The following SNURF variants were observed in gnomAD, a reference collection of about 807,000 sequenced individuals.
The protein encoded by SNURF is SNRPN upstream open reading frame, also known as SNURF protein.
A neutral mutation model predicts 11.6 loss-of-function variants in SNURF; 6 were observed. The ratio of observed to expected loss-of-function variants is 0.52; its 90% CI spans 0.28 to 1.02. The LOEUF (loss-of-function observed/expected upper bound fraction) is 1.02. Ranked by LOEUF, SNURF falls within the 50% of genes least tolerant of loss-of-function variation. The probability of loss-of-function intolerance (pLI) is 0.09; values close to 1 mark genes in which losing one functional copy is unlikely to be tolerated. For missense variants in SNURF, 84 were observed against 88.4 expected (o/e 0.95, Z 0.20); for synonymous variants, 29 against 31.6 (o/e 0.92, Z 0.27).
exon 2 of SNURF, chr15:24,962,179 G>T: frequency 6.2e-7 from 1 of 1,614,118 alleles, no homozygotes; most frequent in Non-Finnish European, 8.5e-7. Context: ...CAAGTCAAAC[G>T]CAGAAGGACT....
intron 1 of SNURF, among the ~76,000 whole-genome samples, chr15:24,960,568 G>A (rs751487199): frequency 6.6e-6 from 1 of 152,048 alleles, no homozygotes; most frequent in Non-Finnish European, 1.5e-5. Flanking sequence ...GTGATCGCTG[G>A]CCTCAGCCTT....
chr15:24,970,035 C>A (rs533190707), downstream of SNURF, among the ~76,000 whole-genome samples: 1 of 152,160 alleles, frequency 6.6e-6, no homozygotes, highest in South Asian at 2.1e-4. Flanking sequence ...GAAGAAAACA[C>A]CAAAGTGGGG....
intron 3 of SNURF, among the ~76,000 whole-genome samples, chr15:24,973,914 G>C (rs969745626): frequency 6.6e-6 from 1 of 152,004 alleles, no homozygotes; most frequent in Non-Finnish European, 1.5e-5. Context: ...TGACAACATA[G>C]GTATTTCAGA....
chr15:24,975,261 C>G, intron 3 of SNURF: 1 of 938,544 alleles, frequency 1.1e-6, no homozygotes, highest in Non-Finnish European at 1.6e-6. Context: ...TTAAGGAAAC[C>G]AGGCTTAGAT....
exon 3 of SNURF, chr15:24,968,199 A>G: frequency 4.5e-6 from 3 of 664,070 alleles, no homozygotes; most frequent in Non-Finnish European, 7.9e-6. Flanking sequence ...CATACAATAA[A>G]CACATTGCAG....
downstream of SNURF, chr15:24,978,269 A>G (rs2077294937): frequency 2.5e-6 from 4 of 1,614,090 alleles, no homozygotes; most frequent in Non-Finnish European, 3.4e-6. Context: ...GAGGGACGCC[A>G]ATAGGCATGC....
At chr15:24,975,311 C>G (rs1298416259) in intron 3 of SNURF, 1 of 1,532,810 alleles carries the variant, frequency 6.5e-7, no homozygotes, top group African/African-American at 1.4e-5. Flanking sequence ...GATTAGAAGA[C>G]TAGGGTGTTG....
intron 2 of SNURF, among the ~76,000 whole-genome samples, chr15:24,965,789 ATCT>A (rs1487857125): frequency 1.3e-5 from 2 of 152,144 alleles, no homozygotes; most frequent in Non-Finnish European, 2.9e-5. Context: ...TCAGTCTTTA[ATCT>A]TCTATTGGGT....
chr15:24,959,801 C>T (rs2074475441), intron 1 of SNURF, among the ~76,000 whole-genome samples: 1 of 152,172 alleles, frequency 6.6e-6, no homozygotes, highest in Non-Finnish European at 1.5e-5. Flanking sequence ...GTTGTTTCCA[C>T]TCTTTGGCTA....
intron 3 of SNURF, chr15:24,974,992 A>G (rs1169621523): frequency 2.8e-6 from 2 of 702,948 alleles, no homozygotes; most frequent in Admixed American, 2.0e-5. Flanking sequence ...GGGCTTTGAA[A>G]ATGGAAGGGT....
At chr15:24,961,586 T>C (rs1404598072) in intron 1 of SNURF, among the ~76,000 whole-genome samples, 1 of 152,234 alleles carries the variant, frequency 6.6e-6, no homozygotes, top group Non-Finnish European at 1.5e-5. Context: ...GTGGATAGTT[T>C]TTAGCTTGAG....
At chr15:24,971,524 T>G, downstream of SNURF, among the ~76,000 whole-genome samples, 1 of 151,598 alleles carries the variant, frequency 6.6e-6, no homozygotes, top group Admixed American at 6.6e-5. Context: ...CTATACAGGT[T>G]ATTATTATAT....
chr15:24,956,385 C>T (rs1404675424), intron 1 of SNURF, among the ~76,000 whole-genome samples: 3 of 148,996 alleles, frequency 2.0e-5, no homozygotes, highest in African/African-American at 5.0e-5. Flanking sequence ...CCTGTAGAGC[C>T]GCCAGTGGGG....
downstream of SNURF, among the ~76,000 whole-genome samples, chr15:24,970,853 G>C (rs927168477): frequency 2.0e-5 from 3 of 151,966 alleles, no homozygotes; most frequent in African/African-American, 7.3e-5. Flanking sequence ...AAGGAAATTT[G>C]TTTTCTTGTG....
intron 2 of SNURF, among the ~76,000 whole-genome samples, chr15:24,965,175 C>T (rs76938898): frequency 6.6e-6 from 1 of 152,174 alleles, no homozygotes; most frequent in Non-Finnish European, 1.5e-5. Flanking sequence ...TCTCCTACTT[C>T]CTACCAAATC....
At chr15:24,977,681 G>A (rs1223136253) in intron 6 of SNURF, 7 of 1,211,664 alleles carry the variant, frequency 5.8e-6, no homozygotes, top group South Asian at 1.6e-5. Context: ...TGCAACAGTT[G>A]TTTGTAACTA....
At chr15:24,977,355 A>C (rs1200132662) in intron 6 of SNURF, among the ~76,000 whole-genome samples, 2 of 152,156 alleles carry the variant, frequency 1.3e-5, no homozygotes, top group Non-Finnish European at 2.9e-5. Flanking sequence ...AAATATGGGA[A>C]TAGGCCGGGT....
chr15:24,968,187 T>G (rs2075925637), exon 3 of SNURF: 2 of 726,366 alleles, frequency 2.8e-6, no homozygotes, highest in Non-Finnish European at 2.4e-6. Flanking sequence ...TCCTTAGAGC[T>G]TCATACAATA....
At chr15:24,970,575 A>C (rs187149014), downstream of SNURF, among the ~76,000 whole-genome samples, 2 of 152,132 alleles carry the variant, frequency 1.3e-5, no homozygotes, top group South Asian at 4.1e-4. Flanking sequence ...CAAGACTTCT[A>C]TCTCAAAAAA....
Sources: allele counts gnomAD v4.1 joint callset (sites outside exome capture counted in the v4.1 genomes callset), GRCh38; gene constraint gnomAD v4.1.1; transcripts MANE v1.5; gene names NCBI Gene and HGNC (gene_info 2026-07-23, HGNC 2026-07-21).